The following NOPCHAP1 variants were observed in gnomAD, a reference collection of about 807,000 sequenced individuals.
NOPCHAP1 encodes the protein DNA damage-sensitive RNA 1.
Under a neutral mutation model 14.0 loss-of-function variants are expected in NOPCHAP1, and 13 were observed. The observed-to-expected ratio is 0.93, with a 90% CI of 0.60 to 1.47. NOPCHAP1 has a LOEUF of 1.47. Among genes scored for constraint, NOPCHAP1 ranks in the 40% most tolerant of loss-of-function variants. NOPCHAP1 has a pLI of 0.00. For missense variants in NOPCHAP1, 230 were observed against 226.9 expected (o/e 1.01, Z -0.09); for synonymous variants, 78 against 78.4 (o/e 1.00, Z 0.03).
rs757632064 is a variant in NOPCHAP1 at position 105,007,570 on chromosome 12, G to GT, written c.*12875dup. 1.2e-4 allele frequency: 18 copies of GT among 152,122 alleles called. No individual in the cohort carries two copies. Among genetic ancestry groups the GT allele is most frequent in the Non-Finnish European group, 1.6e-4 (11 of 68,016 alleles). The allele number at this position is 152,122 out of a possible 1,614,324, so 9.4% of individuals were successfully genotyped here. ...AAGAGATCACTTGCAGGTTTGTTACGTAGGTATACACGTTCCATGACGGTT... is the reference window on the plus strand; with the variant it reads ...AAGAGATCACTTGCAGGTTTGTTACGTTAGGTATACACGTTCCATGACGGTT... On this transcript the variant is annotated 3_prime_UTR_variant, in exon 4 of 4. Transcript: ENST00000552951.
At position 104,988,262 on chromosome 12, in the gene NOPCHAP1, C is replaced by A; in HGVS notation, c.202+9C>A. On this transcript the variant is annotated intron_variant, in intron 2 of 3. Coordinates refer to ENST00000552951, the MANE Select transcript of NOPCHAP1 (RefSeq NM_152318.3). ...GATAGAGAGGAGTCCCTGTAAGTAC[C>A]TCTTCCCCTCTCTCACCCTCTCTAA... is the stretch of plus-strand genomic sequence containing the variant. 6.3e-7 allele frequency: 1 copy of A among 1,582,350 alleles called. No homozygotes were observed. Among genetic ancestry groups the A allele is most frequent in the Non-Finnish European group, 8.7e-7 (1 of 1,153,114 alleles).
chr12:105,013,764 G>A lies in NOPCHAP1; in HGVS notation c.*19068G>A, dbSNP rs1436512794. On this transcript the variant is annotated 3_prime_UTR_variant, in exon 4 of 4. Coordinates refer to ENST00000552951, the MANE Select transcript of NOPCHAP1 (RefSeq NM_152318.3). ...CCCTGGCTTCCCTTGGCTTCCCTGGGCTAGGGGAGGGAGTTCCCTAACGCT... is the reference window on the plus strand; with the variant it reads ...CCCTGGCTTCCCTTGGCTTCCCTGGACTAGGGGAGGGAGTTCCCTAACGCT... 6.6e-6 allele frequency: 1 copy of A among 152,588 alleles called. No homozygotes were observed. Among genetic ancestry groups the A allele is most frequent in the Non-Finnish European group, 1.5e-5 (1 of 68,400 alleles). 9.5% of individuals were successfully genotyped at this position (152,588 alleles called of 1,614,324 possible).
rs970518359 is a variant in NOPCHAP1, at chr12:104,998,122, G to A, written c.*3426G>A. On this transcript the variant is annotated 3_prime_UTR_variant, in exon 4 of 4. Transcript: ENST00000552951. The stretch of plus-strand genomic sequence containing the variant: ...TTTTATTGTAATCCTTAGATTCCAC[G>A]GATTGGGTTTGACTTTATCCTGTAT... The A allele has an allele frequency of 2.6e-5, 4 of 152,062 alleles. No homozygotes were observed. The highest frequency in any genetic ancestry group is 4.8e-5 in the African/African-American group (2 of 41,406). 9.4% of individuals were successfully genotyped at this position (152,062 alleles called of 1,614,324 possible). A position where few individuals can be genotyped will look rare whatever the true frequency, so the allele number is the denominator to read the frequency against.
chr12:105,009,115 G>C lies in NOPCHAP1; in HGVS notation c.*14419G>C, dbSNP rs1309711812. 1 of 152,140 alleles carries C rather than the reference G, an allele frequency of 6.6e-6. No individual in the cohort carries two copies. Among genetic ancestry groups the C allele is most frequent in the Non-Finnish European group, 1.5e-5 (1 of 68,048 alleles). 9.4% of individuals were successfully genotyped at this position (152,140 alleles called of 1,614,324 possible). A position where few individuals can be genotyped will look rare whatever the true frequency, so the allele number is the denominator to read the frequency against. ...CGATATTGATTCTTCCTATCCATGAGCATGGAATGTTTTTCCATTTGTTTG... is the reference window on the plus strand; with the variant it reads ...CGATATTGATTCTTCCTATCCATGACCATGGAATGTTTTTCCATTTGTTTG... On this transcript the variant is annotated 3_prime_UTR_variant, in exon 4 of 4. Coordinates refer to ENST00000552951, the MANE Select transcript of NOPCHAP1 (RefSeq NM_152318.3).
rs982385422 is a variant in NOPCHAP1 at position 104,996,733 on chromosome 12, T to C, written c.*2037T>C. On this transcript the variant is annotated 3_prime_UTR_variant, in exon 4 of 4. Transcript: ENST00000552951. ...TTAAAGTCTCCCACTATTATCTAGC[T>C]CTCTTTGTAGGTCTCTGAATGCTTG... 6.6e-6 allele frequency: 1 copy of C among 152,218 alleles called. No homozygotes were observed. The highest frequency in any genetic ancestry group is 1.5e-5 in the Non-Finnish European group (1 of 68,058). 9.4% of individuals were successfully genotyped at this position (152,218 alleles called of 1,614,324 possible). A position where few individuals can be genotyped will look rare whatever the true frequency, so the allele number is the denominator to read the frequency against.
intron 2 of NOPCHAP1, 32 bp downstream of exon 2, chr12:104,988,285 T>A: frequency 7.2e-6 from 11 of 1,518,034 alleles, no homozygotes; most frequent in Non-Finnish European, 1.0e-5. Context: ...TCACCCTCTC[T>A]AATGCTGAGT....
chr12:104,990,239 G>C (rs1371047025), intron 2 of NOPCHAP1, among the ~76,000 whole-genome samples: 1 of 152,124 alleles, frequency 6.6e-6, no homozygotes, highest in Admixed American at 6.5e-5. Context: ...TACTCTCCTA[G>C]AGTACCACGG....
At position 105,006,128 on chromosome 12, in the gene NOPCHAP1, G is replaced by A. The variant is rs1321185574; in HGVS notation, c.*11432G>A. 2.0e-5 allele frequency: 3 copies of A among 152,072 alleles called. No homozygotes were observed. Among genetic ancestry groups the A allele is most frequent in the Admixed American group, 6.6e-5 (1 of 15,258 alleles). 9.4% of individuals were successfully genotyped at this position (152,072 alleles called of 1,614,324 possible). A position where few individuals can be genotyped will look rare whatever the true frequency, so the allele number is the denominator to read the frequency against. ...AATCTCTTTCATGATTTCCTTGATT[G>A]GCTCTGTCGTAAATCTTATGAATTC... On this transcript the variant is annotated 3_prime_UTR_variant, in exon 4 of 4. Coordinates refer to ENST00000552951, the MANE Select transcript of NOPCHAP1 (RefSeq NM_152318.3).
At position 105,007,234 on chromosome 12, in the gene NOPCHAP1, A is replaced by T. The variant is rs1873726085; in HGVS notation, c.*12538A>T. On this transcript the variant is annotated 3_prime_UTR_variant, in exon 4 of 4. Transcript: ENST00000552951. ...AAGCTGCATTTTCAATAGGAAATAA[A>T]AATGTATTTCACAAAAAGATTTTTG... is the stretch of plus-strand genomic sequence containing the variant. 1 of 152,188 alleles carries T rather than the reference A, an allele frequency of 6.6e-6. No individual in the cohort carries two copies. 9.4% of individuals were successfully genotyped at this position (152,188 alleles called of 1,614,324 possible). A position where few individuals can be genotyped will look rare whatever the true frequency, so the allele number is the denominator to read the frequency against.
rs1873852699 is a variant in NOPCHAP1 at position 105,012,549 on chromosome 12, C to G, written c.*17853C>G. 1 of 152,172 alleles carries G rather than the reference C, an allele frequency of 6.6e-6. No individual in the cohort carries two copies. Among genetic ancestry groups the G allele is most frequent in the South Asian group, 2.1e-4 (1 of 4,830 alleles). 9.4% of individuals were successfully genotyped at this position (152,172 alleles called of 1,614,324 possible). A position where few individuals can be genotyped will look rare whatever the true frequency, so the allele number is the denominator to read the frequency against. The stretch of plus-strand genomic sequence containing the variant: ...TCCTTGCTGGTGAGGAGTTGTGATC[C>G]TTTGGAGGAGAAGAGGTGTTCTGGT... On this transcript the variant is annotated 3_prime_UTR_variant, in exon 4 of 4. Coordinates refer to ENST00000552951, the MANE Select transcript of NOPCHAP1 (RefSeq NM_152318.3).
Position 104,986,376 on chromosome 12 carries a change from G to A in NOPCHAP1, c.24G>A (p.Lys8=). Residue 8 remains lysine (K), a synonymous_variant, in exon 1 of 4, where the codon AAG becomes AAA. Transcript: ENST00000552951. Reference sequence around the variant, plus strand: ...GCATGGAGGTCCATGGCAAGCCCAAGGCTAGCCCGAGTTGTTCGTCGCCCA... The same window carrying A: ...GCATGGAGGTCCATGGCAAGCCCAAAGCTAGCCCGAGTTGTTCGTCGCCCA... MEVHGKP[K]ASPSCSSPTR... The A allele has an allele frequency of 1.2e-6, 2 of 1,611,080 alleles. No individual in the cohort carries two copies. Among genetic ancestry groups the A allele is most frequent in the South Asian group, 1.1e-5 (1 of 90,286 alleles).
rs193140444 is a variant in NOPCHAP1 at position 105,010,997 on chromosome 12, T to G, written c.*16301T>G. 4 of 152,220 alleles carry G rather than the reference T, an allele frequency of 2.6e-5. No homozygotes were observed. Among genetic ancestry groups the G allele is most frequent in the African/African-American group, 7.2e-5 (3 of 41,456 alleles). The allele number at this position is 152,220 out of a possible 1,614,324, so 9.4% of individuals were successfully genotyped here. A position where few individuals can be genotyped will look rare whatever the true frequency, so the allele number is the denominator to read the frequency against. On this transcript the variant is annotated 3_prime_UTR_variant, in exon 4 of 4. Transcript: ENST00000552951. Reference sequence around the variant, plus strand: ...TCTGTAGATGTCTATTAAGCACACTTGGTCCAGAGCTGAGTTCAAGTCCTG... The same window carrying G: ...TCTGTAGATGTCTATTAAGCACACTGGGTCCAGAGCTGAGTTCAAGTCCTG...
At position 105,012,422 on chromosome 12, in the gene NOPCHAP1, G is replaced by A. The variant is rs899273822; in HGVS notation, c.*17726G>A. 4.6e-5 allele frequency: 7 copies of A among 152,228 alleles called. 1 individual carries two copies. The highest frequency in any genetic ancestry group is 1.3e-4 in the Admixed American group (2 of 15,294). 9.4% of individuals were successfully genotyped at this position (152,228 alleles called of 1,614,324 possible). ...TCAAGGTTCTTAGCTTCCTTGCATT[G>A]GGTTAGAACATGCTCCTTTAGCTCG... On this transcript the variant is annotated 3_prime_UTR_variant, in exon 4 of 4. Coordinates refer to ENST00000552951, the MANE Select transcript of NOPCHAP1 (RefSeq NM_152318.3).
At position 105,009,718 on chromosome 12, in the gene NOPCHAP1, T is replaced by C. The variant is rs537896533; in HGVS notation, c.*15022T>C. On this transcript the variant is annotated 3_prime_UTR_variant, in exon 4 of 4. Coordinates refer to ENST00000552951, the MANE Select transcript of NOPCHAP1 (RefSeq NM_152318.3). Reference sequence around the variant, plus strand: ...AAGGCCTTTTCTGTATCTATTGAAATAATCATGTGCTTTTTGTCATTGGTT... The same window carrying C: ...AAGGCCTTTTCTGTATCTATTGAAACAATCATGTGCTTTTTGTCATTGGTT... 6.6e-6 allele frequency: 1 copy of C among 152,218 alleles called. No individual in the cohort carries two copies. Among genetic ancestry groups the C allele is most frequent in the Non-Finnish European group, 1.5e-5 (1 of 68,044 alleles). The allele number at this position is 152,218 out of a possible 1,614,324, so 9.4% of individuals were successfully genotyped here.
chr12:104,997,049 C>T lies in NOPCHAP1; in HGVS notation c.*2353C>T, dbSNP rs1873514260. ...TTGCTTCTTTATCCAAGTTGCCACACTGTTTCTTTTGATTGGGGCATTTAG... is the reference window on the plus strand; with the variant it reads ...TTGCTTCTTTATCCAAGTTGCCACATTGTTTCTTTTGATTGGGGCATTTAG... On this transcript the variant is annotated 3_prime_UTR_variant, in exon 4 of 4. Transcript: ENST00000552951. The T allele has an allele frequency of 6.6e-6, 1 of 152,140 alleles. No homozygotes were observed. Among genetic ancestry groups the T allele is most frequent in the Admixed American group, 6.5e-5 (1 of 15,278 alleles). The allele number at this position is 152,140 out of a possible 1,614,324, so 9.4% of individuals were successfully genotyped here. A position where few individuals can be genotyped will look rare whatever the true frequency, so the allele number is the denominator to read the frequency against.
chr12:104,989,008 ATTT>A (rs769118200), intron 2 of NOPCHAP1, among the ~76,000 whole-genome samples: 13 of 143,224 alleles, frequency 9.1e-5, no homozygotes, highest in African/African-American at 3.3e-4. Context: ...AGAAGGTGTA[ATTT>A]TTTTTTTTTT....
At chr12:104,988,527 T>C (rs993495202) in intron 2 of NOPCHAP1, among the ~76,000 whole-genome samples, 3 of 152,218 alleles carry the variant, frequency 2.0e-5, no homozygotes, top group Non-Finnish European at 4.4e-5. Flanking sequence ...CAAATTTATT[T>C]AGAGGTTACT....
At position 105,003,230 on chromosome 12, in the gene NOPCHAP1, T is replaced by C. The variant is rs1479709754; in HGVS notation, c.*8534T>C. ...TATGTAGGTTAAAACTTTCCCACTG[T>C]GGGCCACTGGAATTCTAATTTTTTT... On this transcript the variant is annotated 3_prime_UTR_variant, in exon 4 of 4. Transcript: ENST00000552951. The C allele has an allele frequency of 6.6e-6, 1 of 152,222 alleles. No individual in the cohort carries two copies. The highest frequency in any genetic ancestry group is 1.9e-4 in the East Asian group (1 of 5,202). The allele number at this position is 152,222 out of a possible 1,614,324, so 9.4% of individuals were successfully genotyped here.
rs981517110 is a variant in NOPCHAP1, at chr12:105,017,326, C to T, written c.*22630C>T. On this transcript the variant is annotated 3_prime_UTR_variant, in exon 4 of 4. Transcript: ENST00000552951. ...CAAGCCTGGCCAGCATGGAGAAACC[C>T]TGTCTCTATTAAAAATATAAAAATG... The T allele has an allele frequency of 6.6e-6, 1 of 151,966 alleles. No homozygotes were observed. The allele number at this position is 151,966 out of a possible 1,614,324, so 9.4% of individuals were successfully genotyped here.
Sources: gnomAD v4.1 joint callset for allele counts (sites outside exome capture counted in the v4.1 genomes callset) on GRCh38, gnomAD v4.1.1 for gene constraint, MANE v1.5 for transcripts, NCBI Gene and HGNC (gene_info 2026-07-23, HGNC 2026-07-21) for gene names.